Variants in RGPD2 observed in about 807,000 individuals in gnomAD.
RGPD2 encodes RANBP2 like and GRIP domain containing 2, also known as RANBP2-like and GRIP domain-containing protein 2.
Under a neutral mutation model 36.0 loss-of-function variants are expected in RGPD2, and 2 were observed. That is an observed-to-expected ratio of 0.06 (90% confidence interval 0.02 to 0.17). The LOEUF (loss-of-function observed/expected upper bound fraction) is 0.17, where lower values mean the gene tolerates loss of function less well. Ranked by LOEUF, RGPD2 falls within the 10% of genes least tolerant of loss-of-function variation. The pLI is 1.00. For missense variants in RGPD2, 40 were observed against 464.3 expected (o/e 0.09, Z 8.40); for synonymous variants, 19 against 163.8 (o/e 0.12, Z 6.75).
intron 7 of RGPD2, among the ~76,000 whole-genome samples, chr2:87,805,377 ACT>A (rs1322366278): frequency 2.2e-5 from 1 of 44,602 alleles, no homozygotes; most frequent in Non-Finnish European, 5.0e-5. Flanking sequence ...CAAGAGCAAA[ACT>A]CTGTCTCAAA....
At chr2:87,847,222 C>T in the RGPD2 span, among the ~76,000 whole-genome samples, 34 of 152,198 alleles carry the variant, frequency 2.2e-4, no homozygotes, top group South Asian at 6.8e-3. Context: ...CTTTTTCTAA[C>T]CAACTTATAT....
At chr2:87,980,226 C>T in the RGPD2 span, among the ~76,000 whole-genome samples, 1 of 146,614 alleles carries the variant, frequency 6.8e-6, no homozygotes, top group Non-Finnish European at 1.5e-5. Context: ...TGGCGGGCGC[C>T]TGTAATCCCA....
the RGPD2 span, among the ~76,000 whole-genome samples, chr2:87,913,351 C>G: frequency 6.6e-6 from 1 of 151,462 alleles, no homozygotes; most frequent in Non-Finnish European, 1.5e-5. Context: ...AATGAGAACA[C>G]GTGGACACAG....
At chr2:87,873,239 C>T in the RGPD2 span, among the ~76,000 whole-genome samples, 1 of 140,046 alleles carries the variant, frequency 7.1e-6, no homozygotes, top group East Asian at 1.9e-4. Context: ...ATCCTGTCTA[C>T]TACTGATGGT....
chr2:87,824,813 C>G (rs970415060), intron 1 of RGPD2: 2 of 112,326 alleles, frequency 1.8e-5, no homozygotes, highest in Non-Finnish European at 3.6e-5. Context: ...CGCCGCCGCC[C>G]GGCCAGGCCG....
chr2:87,937,130 T>C, the RGPD2 span, among the ~76,000 whole-genome samples: 1 of 151,836 alleles, frequency 6.6e-6, no homozygotes, highest in Non-Finnish European at 1.5e-5. Context: ...GCGGTAAATA[T>C]TATGATCTCA....
chr2:87,848,957 C>T, the RGPD2 span, among the ~76,000 whole-genome samples: 1 of 149,816 alleles, frequency 6.7e-6, no homozygotes, highest in South Asian at 2.1e-4. Context: ...TTCTCAGAGA[C>T]CTATGACAAA....
the RGPD2 span, among the ~76,000 whole-genome samples, chr2:87,876,218 C>T: frequency 7.2e-6 from 1 of 138,954 alleles, no homozygotes; most frequent in Admixed American, 7.1e-5. Flanking sequence ...GTCCCCATCT[C>T]CTTCAGTTCA....
the RGPD2 span, among the ~76,000 whole-genome samples, chr2:87,921,690 G>T: frequency 3.3e-5 from 5 of 152,076 alleles, no homozygotes; most frequent in Admixed American, 3.3e-4. Context: ...GGAGTGCTGG[G>T]GCCATTTGTC....
chr2:87,973,784 T>G, the RGPD2 span, among the ~76,000 whole-genome samples: 1 of 149,712 alleles, frequency 6.7e-6, no homozygotes, highest in African/African-American at 2.4e-5. Flanking sequence ...AATTTACCAA[T>G]CTGTTGTCTG....
chr2:87,962,363 T>C, the RGPD2 span, among the ~76,000 whole-genome samples: 2 of 151,132 alleles, frequency 1.3e-5, no homozygotes, highest in Admixed American at 6.6e-5. Context: ...TAATTTTTTA[T>C]CCTTTTTGTT....
the RGPD2 span, among the ~76,000 whole-genome samples, chr2:87,980,223 C>T: frequency 6.8e-5 from 10 of 146,312 alleles, no homozygotes; most frequent in Middle Eastern, 7.0e-3. Flanking sequence ...TGGTGGCGGG[C>T]GCCTGTAATC....
At chr2:87,852,340 GAT>G in the RGPD2 span, among the ~76,000 whole-genome samples, 76 of 139,222 alleles carry the variant, frequency 5.5e-4, no homozygotes, top group Middle Eastern at 3.5e-3. Flanking sequence ...TGAAGGATTT[GAT>G]ATATGTTGTT....
chr2:87,944,583 T>C, the RGPD2 span, among the ~76,000 whole-genome samples: 5 of 116,178 alleles, frequency 4.3e-5, no homozygotes, highest in Non-Finnish European at 6.5e-5. Context: ...ATTTTACTGA[T>C]ATACTGCAAA....
the RGPD2 span, among the ~76,000 whole-genome samples, chr2:87,840,346 CA>C: frequency 1.5e-5 from 2 of 131,674 alleles, no homozygotes; most frequent in African/African-American, 5.7e-5. Context: ...CTTTTGGAGG[CA>C]ATATGGACTT....
chr2:87,840,533 A>C, the RGPD2 span, among the ~76,000 whole-genome samples: 1 of 152,192 alleles, frequency 6.6e-6, no homozygotes, highest in Middle Eastern at 3.4e-3. Context: ...ACATGGATGT[A>C]TTTTAAAAAA....
chr2:87,913,980 C>T, the RGPD2 span, among the ~76,000 whole-genome samples: 3 of 151,970 alleles, frequency 2.0e-5, no homozygotes, highest in Non-Finnish European at 4.4e-5. Context: ...TATTTTCTGC[C>T]ATGCTAATTG....
At chr2:87,836,222 A>G in the RGPD2 span, among the ~76,000 whole-genome samples, 3 of 151,340 alleles carry the variant, frequency 2.0e-5, no homozygotes, top group African/African-American at 7.3e-5. Flanking sequence ...AGTGGGAACT[A>G]GAGAGAAGAG....
the RGPD2 span, among the ~76,000 whole-genome samples, chr2:87,835,921 A>T: frequency 1.7e-5 from 2 of 114,778 alleles, no homozygotes; most frequent in Non-Finnish European, 3.6e-5. Flanking sequence ...GCCTCCACAG[A>T]GCCCTGCCCT....
Sources: allele counts gnomAD v4.1 joint callset (sites outside exome capture counted in the v4.1 genomes callset), GRCh38; gene constraint gnomAD v4.1.1; transcripts MANE v1.5; gene names NCBI Gene and HGNC (gene_info 2026-07-23, HGNC 2026-07-21).